Variants in GLI3 observed in about 807,000 individuals in gnomAD.
GLI3 encodes GLI family zinc finger 3.
A neutral mutation model predicts 100.8 loss-of-function variants in GLI3; 20 were observed. That is an observed-to-expected ratio of 0.20 (90% CI 0.14 to 0.29). The LOEUF (loss-of-function observed/expected upper bound fraction) is 0.29. Among genes scored for constraint, GLI3 ranks in the 10% least tolerant of loss-of-function variants. The pLI is 1.00. For missense variants in GLI3, 2,040 were observed against 2,128.5 expected, an observed-to-expected ratio of 0.96 and a Z score of 0.82; for synonymous variants, 938 against 860.5, an observed-to-expected ratio of 1.09 and a Z score of -1.58.
At chr7:42,020,775 A>C (rs1293095320) in intron 10 of GLI3, among the ~76,000 whole-genome samples, 1 of 152,028 alleles carries the variant, frequency 6.6e-6, no homozygotes, top group Non-Finnish European at 1.5e-5. Flanking sequence ...CTGTAGTCCC[A>C]GCTACTCGGG....
At chr7:42,030,177 C>T (rs1045764704) in intron 7 of GLI3, among the ~76,000 whole-genome samples, 5 of 152,138 alleles carry the variant, frequency 3.3e-5, no homozygotes, top group African/African-American at 1.2e-4. Context: ...CAGGGGTCCA[C>T]ATCACTCAGG....
At chr7:42,262,397 A>G (rs1247548102) in intron 1 of GLI3, among the ~76,000 whole-genome samples, 2 of 151,936 alleles carry the variant, frequency 1.3e-5, no homozygotes, top group South Asian at 2.1e-4. Context: ...GTAGCTGGGA[A>G]CACAGGTACA....
chr7:42,116,182 A>G (rs1288848751), intron 3 of GLI3, among the ~76,000 whole-genome samples: 1 of 152,142 alleles, frequency 6.6e-6, no homozygotes, highest in East Asian at 1.9e-4. Flanking sequence ...TTCAAATTCA[A>G]ACGTGGAGAA....
chr7:42,014,482 T>C (rs1788701307), intron 10 of GLI3, among the ~76,000 whole-genome samples: 1 of 152,202 alleles, frequency 6.6e-6, no homozygotes, highest in Non-Finnish European at 1.5e-5. Flanking sequence ...ATAGATAAAA[T>C]TTTCCCATAC....
At chr7:42,072,163 C>T (rs747589998) in intron 4 of GLI3, among the ~76,000 whole-genome samples, 3 of 152,080 alleles carry the variant, frequency 2.0e-5, no homozygotes, top group Non-Finnish European at 2.9e-5. Context: ...GCTCACAGCT[C>T]GACTGGCAAG....
intron 3 of GLI3, among the ~76,000 whole-genome samples, chr7:42,128,727 A>T (rs1554331607): frequency 6.7e-6 from 1 of 149,276 alleles, no homozygotes; most frequent in Non-Finnish European, 1.5e-5. Flanking sequence ...GTATGTCAGT[A>T]TTTTTTTTTT....
At chr7:42,189,223 T>A (rs58326536) in intron 2 of GLI3, among the ~76,000 whole-genome samples, 11,540 of 152,184 alleles carry the variant, frequency 0.076, 1,468 homozygotes, top group African/African-American at 0.26. Flanking sequence ...ACTAATAAAA[T>A]AAACTATAAT....
chr7:42,257,910 A>T (rs1789101637), intron 1 of GLI3, among the ~76,000 whole-genome samples: 1 of 152,154 alleles, frequency 6.6e-6, no homozygotes, highest in South Asian at 2.1e-4. Context: ...CCACTTGGTC[A>T]TGGTGTAGAA....
Position 42,258,513 on chromosome 7 carries a change from T to C in GLI3, c.-43+5481A>G, listed in dbSNP as rs559252040. On this transcript the variant is annotated intron_variant, in intron 1 of 2. Transcript: ENST00000678978. ...TTCAAATTGTGTTAAAATGCCTTCT[T>C]GGTTTTCCTATACATGATTAAGATG... 3.9e-5 allele frequency among the ~76,000 whole-genome samples: 6 copies of C among 152,360 alleles called. No individual in the cohort carries two copies. In the East Asian group the frequency reaches 1.2e-3, roughly 29 times the overall value.
intron 3 of GLI3, among the ~76,000 whole-genome samples, chr7:42,116,883 C>T (rs1229768663): frequency 3.3e-5 from 5 of 151,968 alleles, no homozygotes; most frequent in Non-Finnish European, 7.4e-5. Context: ...TTTTCAAGTT[C>T]CTTCCCTCTC....
upstream of GLI3, among the ~76,000 whole-genome samples, chr7:42,238,145 C>A (rs1365933707): frequency 2.0e-5 from 3 of 151,542 alleles, no homozygotes; most frequent in African/African-American, 7.3e-5. Context: ...CCCCACCCAC[C>A]CGGCGAGGGG....
chr7:42,223,336 GAA>G (rs11266806), intron 1 of GLI3, 41 bp from the exon 2 acceptor site: 3,292 of 842,826 alleles, frequency 3.9e-3, no homozygotes, highest in Middle Eastern at 8.5e-3. Context: ...CAAAATGGTG[GAA>G]AAAAAAAAAA....
At chr7:41,981,132 G>A (rs1221019073) in intron 10 of GLI3, among the ~76,000 whole-genome samples, 3 of 152,166 alleles carry the variant, frequency 2.0e-5, no homozygotes, top group Admixed American at 6.5e-5. Flanking sequence ...TGACACAGAA[G>A]TACCTGCAGA....
rs562847587 is a variant in GLI3, at chr7:42,129,735, G to A, written c.367+18491C>T. On this transcript the variant is annotated intron_variant, in intron 3 of 14. Coordinates refer to ENST00000395925, the MANE Select transcript of GLI3 (RefSeq NM_000168.6). The stretch of plus-strand genomic sequence containing the variant: ...CTGAGGCAGAGAACTGCTTGAACCC[G>A]GGAGGCGGAGCTTGCATTGAGCCGA... 2.9e-4 allele frequency among the ~76,000 whole-genome samples: 44 copies of A among 152,136 alleles called. 1 individual carries two copies. In the South Asian group the frequency reaches 3.3e-3, roughly 12 times the overall value.
chr7:42,030,867 C>A (rs987760777), intron 7 of GLI3, among the ~76,000 whole-genome samples: 15 of 151,870 alleles, frequency 9.9e-5, no homozygotes, highest in African/African-American at 3.6e-4. Context: ...TACAGGCATG[C>A]ACCACCATGC....
chr7:42,164,926 A>G (rs951685592), intron 2 of GLI3, among the ~76,000 whole-genome samples: 4 of 151,636 alleles, frequency 2.6e-5, no homozygotes, highest in Non-Finnish European at 4.4e-5. Flanking sequence ...AACAGTCTTA[A>G]CATTGCAAGG....
chr7:42,089,077 T>C (rs1562722699), intron 3 of GLI3, among the ~76,000 whole-genome samples: 2 of 152,214 alleles, frequency 1.3e-5, no homozygotes, highest in Non-Finnish European at 2.9e-5. Context: ...CTGATGTCAA[T>C]GATGTCCATG....
intron 3 of GLI3, among the ~76,000 whole-genome samples, chr7:42,112,971 G>A (rs537226953): frequency 3.9e-5 from 6 of 152,222 alleles, no homozygotes; most frequent in East Asian, 3.9e-4. Flanking sequence ...TCAGGAGTTC[G>A]AGACCAGCCT....
At chr7:42,170,347 A>G (rs1278627068) in intron 2 of GLI3, among the ~76,000 whole-genome samples, 2 of 148,418 alleles carry the variant, frequency 1.3e-5, no homozygotes, top group African/African-American at 4.9e-5. Context: ...TGTTTTTATC[A>G]GGGCTGTTTC....
Sources: allele counts gnomAD v4.1 joint callset (sites outside exome capture counted in the v4.1 genomes callset), GRCh38; gene constraint gnomAD v4.1.1; transcripts MANE v1.5; gene names NCBI Gene and HGNC (gene_info 2026-07-23, HGNC 2026-07-21).